RIPK1: variants seen among roughly 807,000 people sequenced by gnomAD.
RIPK1 encodes receptor-interacting serine/threonine-protein kinase 1.
A neutral mutation model predicts 62.4 loss-of-function variants in RIPK1; 27 were observed. The ratio of observed to expected loss-of-function variants is 0.43; its 90% CI spans 0.32 to 0.60. The LOEUF (loss-of-function observed/expected upper bound fraction) is 0.60, where lower values mean the gene tolerates loss of function less well. Among genes scored for constraint, RIPK1 ranks in the 20% least tolerant of loss-of-function variants. RIPK1 has a pLI of 0.07. For missense variants in RIPK1, 735 were observed against 831.0 expected (o/e 0.88, Z 1.42); for synonymous variants, 287 against 303.2 (o/e 0.95, Z 0.55).
At chr6:3,074,843 G>A (rs1349289026) in intron 1 of RIPK1, among the ~76,000 whole-genome samples, 3 of 152,018 alleles carry the variant, frequency 2.0e-5, no homozygotes, top group African/African-American at 7.2e-5. Flanking sequence ...CACCACGCCT[G>A]GCTGATTTTT....
chr6:3,103,280 C>A (rs1215842738), intron 7 of RIPK1, among the ~76,000 whole-genome samples: 1 of 150,222 alleles, frequency 6.7e-6, no homozygotes, highest in Non-Finnish European at 1.5e-5. Context: ...CAACTTTTTC[C>A]CCATTATTTT....
intron 7 of RIPK1, among the ~76,000 whole-genome samples, chr6:3,096,278 C>T (rs948163317): frequency 1.3e-5 from 2 of 152,102 alleles, no homozygotes; most frequent in Non-Finnish European, 2.9e-5. Context: ...AGAAACAAAA[C>T]TGTTCATAGG....
chr6:3,090,651 T>C lies in RIPK1; in HGVS notation c.915+994T>C, dbSNP rs566150165. Among the ~76,000 whole-genome samples, 10 of 152,260 alleles carry C rather than the reference T, an allele frequency of 6.6e-5. No individual in the cohort carries two copies. The East Asian group carries it at 1.9e-3, about 29-fold the overall frequency. On this transcript the variant is annotated intron_variant, in intron 7 of 10. Coordinates refer to ENST00000259808, the MANE Select transcript of RIPK1 (RefSeq NM_001354930.2). ...GATTTTAATACACATCTCTCTTCAA[T>C]TGATAGAACGAGCAAACAAAAATCA...
chr6:3,078,959 C>A (rs116451496), intron 3 of RIPK1, among the ~76,000 whole-genome samples: 2,034 of 151,802 alleles, frequency 0.013, 13 homozygotes, highest in Middle Eastern at 0.027. Flanking sequence ...GTTGCCCAGG[C>A]TGGAGTGCAG....
intron 2 of RIPK1, among the ~76,000 whole-genome samples, chr6:3,077,210 T>A (rs965281610): frequency 1.3e-5 from 2 of 151,858 alleles, no homozygotes; most frequent in Non-Finnish European, 2.9e-5. Flanking sequence ...AGAAGAGACA[T>A]GAACAAGAAG....
At position 3,110,839 on chromosome 6, in the gene RIPK1, G is replaced by A. The variant is rs1338348268; in HGVS notation, c.1613G>A (p.Gly538Asp). 1.3e-6 allele frequency: 2 copies of A among 1,588,274 alleles called. No homozygotes were observed. The highest frequency in any genetic ancestry group is 1.1e-5 in the South Asian group (1 of 90,484). The change falls in exon 10 of 11, where the codon GGC (glycine) becomes GAC (aspartate). Residue 538 changes from glycine to aspartate, a missense_variant. Physicochemically the swap from Gly to Asp is moderately conservative, Grantham distance 94 (BLOSUM62 -1). Around this residue, in one of 2 missense-constraint regions of RIPK1, gnomAD observed 671 missense variants for 726.2 expected, o/e 0.92. Coordinates refer to ENST00000259808, the MANE Select transcript of RIPK1 (RefSeq NM_001354930.2). ...SIKYTIYNSTGIQIGAYNYME... is the reference protein window; with the variant it reads ...SIKYTIYNSTDIQIGAYNYME... ...AAATATACCATATACAATAGTACTG[G>A]CATTCAGATTGGAGCCTACAATTAT...
Position 3,076,822 on chromosome 6 carries a change from G to T in RIPK1, c.-2G>T, listed in dbSNP as rs140581293. The T allele has an allele frequency of 3.3e-4, 533 of 1,612,828 alleles. 2 individuals are homozygous for T. In the African/African-American group the frequency reaches 6.7e-3, roughly 20 times the overall value. On this transcript the variant is annotated 5_prime_UTR_variant, in exon 2 of 11. Coordinates refer to ENST00000259808, the MANE Select transcript of RIPK1 (RefSeq NM_001354930.2). ...CCATTTTGGGCGTTCTTGAGCTTCAGAATGCAACCAGACATGTCCTTGAAT... is the reference window on the plus strand; with the variant it reads ...CCATTTTGGGCGTTCTTGAGCTTCATAATGCAACCAGACATGTCCTTGAAT...
chr6:3,077,659 A>C, intron 2 of RIPK1, 120 bp from the exon 3 acceptor site: 6 of 1,067,948 alleles, frequency 5.6e-6, no homozygotes, highest in Non-Finnish European at 8.1e-6. Flanking sequence ...TGTGCCTGGA[A>C]GAGATCGGTA....
intron 7 of RIPK1, among the ~76,000 whole-genome samples, chr6:3,094,774 CTAAT>C (rs1413771612): frequency 1.3e-5 from 2 of 151,950 alleles, no homozygotes; most frequent in African/African-American, 2.4e-5. Flanking sequence ...ATACAATAGA[CTAAT>C]TAAGACTGAT....
intron 6 of RIPK1, among the ~76,000 whole-genome samples, chr6:3,086,965 G>A (rs748877752): frequency 1.6e-4 from 24 of 152,148 alleles, no homozygotes; most frequent in Non-Finnish European, 3.1e-4. Context: ...AAGACTCCAA[G>A]GATTTTAGGT....
At chr6:3,107,937 A>G (rs1185354754) in intron 9 of RIPK1, among the ~76,000 whole-genome samples, 2 of 151,756 alleles carry the variant, frequency 1.3e-5, no homozygotes, top group African/African-American at 4.8e-5. Context: ...TCTGCTCCCA[A>G]AGATGATCCT....
At chr6:3,071,783 C>T (rs780397556) in intron 1 of RIPK1, among the ~76,000 whole-genome samples, 1 of 152,204 alleles carries the variant, frequency 6.6e-6, no homozygotes, top group Non-Finnish European at 1.5e-5. Flanking sequence ...GTCCAGTGGA[C>T]CCAACTAGAG....
intron 4 of RIPK1, among the ~76,000 whole-genome samples, chr6:3,082,677 C>A (rs1169270636): frequency 3.3e-5 from 5 of 152,208 alleles, no homozygotes; most frequent in South Asian, 2.1e-4. Flanking sequence ...TATTTAGCCA[C>A]TGTCTGCTGC....
intron 1 of RIPK1, among the ~76,000 whole-genome samples, chr6:3,075,637 G>C (rs1428259998): frequency 3.3e-5 from 5 of 152,102 alleles, no homozygotes; most frequent in African/African-American, 1.2e-4. Flanking sequence ...TTATAATTTT[G>C]GAAAGGGAGC....
rs1413868920 is a variant in RIPK1 at position 3,077,836 on chromosome 6, G to C, written c.222G>C (p.Arg74=). 15 of 1,614,086 alleles carry C rather than the reference G, an allele frequency of 9.3e-6. No homozygotes were observed. The highest frequency in any genetic ancestry group is 1.2e-5 in the Non-Finnish European group (14 of 1,180,034). The change falls in exon 3 of 11, where the codon CGG becomes CGC. Residue 74 remains arginine, a synonymous_variant. Coordinates refer to ENST00000259808, the MANE Select transcript of RIPK1 (RefSeq NM_001354930.2). ...AKMMNRLRHS[R]VVKLLGVIIE... ...TGATGAACAGACTGAGACACAGCCG[G>C]GTGGTGAAGCTCCTGGGCGTCATCA... is the stretch of plus-strand genomic sequence containing the variant.
At chr6:3,078,600 G>T (rs1478997024) in intron 3 of RIPK1, among the ~76,000 whole-genome samples, 1 of 152,184 alleles carries the variant, frequency 6.6e-6, no homozygotes, top group African/African-American at 2.4e-5. Flanking sequence ...ATTAAATATG[G>T]ATTAATGAAA....
chr6:3,075,051 G>T (rs182864791), intron 1 of RIPK1, among the ~76,000 whole-genome samples: 1 of 152,148 alleles, frequency 6.6e-6, no homozygotes. Flanking sequence ...ACACAGACAC[G>T]CACATTCACA....
chr6:3,077,026 C>A, intron 2 of RIPK1, 39 bp downstream of exon 2: 1 of 1,345,138 alleles, frequency 7.4e-7, no homozygotes, highest in South Asian at 1.3e-5. Flanking sequence ...AAGTTCTGAG[C>A]GGGATGGGGA....
intron 6 of RIPK1, among the ~76,000 whole-genome samples, chr6:3,087,934 T>C (rs978659988): frequency 3.3e-5 from 5 of 152,252 alleles, no homozygotes; most frequent in African/African-American, 9.6e-5. Context: ...TTCATTTGTT[T>C]CAAGCAGGTT....
Sources: allele counts gnomAD v4.1 joint callset (sites outside exome capture counted in the v4.1 genomes callset), GRCh38; gene constraint gnomAD v4.1.1; regional missense constraint gnomAD v4.1.1; transcripts MANE v1.5; gene names NCBI Gene and HGNC (gene_info 2026-07-23, HGNC 2026-07-21).